ZC3H12B: variants seen among roughly 807,000 people sequenced by gnomAD.
ZC3H12B encodes probable ribonuclease ZC3H12B.
In ZC3H12B, 7 loss-of-function variants were observed where a neutral mutation model predicts 43.9. The observed-to-expected ratio is 0.16, with a 90% confidence interval of 0.09 to 0.30. The LOEUF is 0.30. ZC3H12B is among the 10% of genes least tolerant of loss of function. The pLI is 1.00. For synonymous variants in ZC3H12B, 222 were observed against 241.7 expected (o/e 0.92, Z 0.76); for missense variants, 475 against 670.2 (o/e 0.71, Z 3.22).
chrX:65,259,773 C>T, the ZC3H12B span, among the ~76,000 whole-genome samples: 1 of 111,810 alleles, frequency 8.9e-6, no homozygotes, highest in African/African-American at 3.2e-5. Flanking sequence ...CTTGCACACA[C>T]GTGTTTATAG....
chrX:65,500,039 A>C, intron 4 of ZC3H12B, 50 bp downstream of exon 9: 1 of 964,182 alleles, frequency 1.0e-6, no homozygotes, highest in Non-Finnish European at 1.5e-6. Flanking sequence ...AAACATAAGG[A>C]TTCTGTGAAC....
At chrX:65,341,406 C>T in the ZC3H12B span, among the ~76,000 whole-genome samples, 2 of 111,238 alleles carry the variant, frequency 1.8e-5, no homozygotes, top group Non-Finnish European at 3.8e-5. Context: ...GACATATAAC[C>T]ATCAGATTTT....
the ZC3H12B span, among the ~76,000 whole-genome samples, chrX:65,047,675 GTA>G: frequency 9.1e-6 from 1 of 110,428 alleles, no homozygotes; most frequent in African/African-American, 3.3e-5. Flanking sequence ...TCTGATATTA[GTA>G]TATGTACTGG....
At chrX:65,190,261 G>A in the ZC3H12B span, among the ~76,000 whole-genome samples, 1 of 110,404 alleles carries the variant, frequency 9.1e-6, no homozygotes, top group Non-Finnish European at 1.9e-5. Context: ...TTTTGGCTTA[G>A]GATTGACTTG....
At chrX:65,481,250 C>T (rs1404279837) in intron 3 of ZC3H12B, among the ~76,000 whole-genome samples, 1 of 111,712 alleles carries the variant, frequency 9.0e-6, no homozygotes, top group Non-Finnish European at 1.9e-5. Context: ...AATTACTTAC[C>T]TCTTACACCT....
chrX:65,157,220 A>G, the ZC3H12B span, among the ~76,000 whole-genome samples: 1 of 111,608 alleles, frequency 9.0e-6, no homozygotes, highest in Non-Finnish European at 1.9e-5. Flanking sequence ...TGCTCAAGGT[A>G]TCTGCCCGCC....
intron 3 of ZC3H12B, among the ~76,000 whole-genome samples, chrX:65,429,505 T>C (rs771102929): frequency 9.0e-6 from 1 of 111,695 alleles, no homozygotes; most frequent in African/African-American, 3.3e-5. Flanking sequence ...TAGATTGGGG[T>C]CCCACTTAAA....
chrX:65,192,413 G>C, the ZC3H12B span, among the ~76,000 whole-genome samples: 1 of 111,277 alleles, frequency 9.0e-6, no homozygotes, highest in Non-Finnish European at 1.9e-5. Context: ...TGTTAAGTGG[G>C]AATCTTTGTC....
At chrX:65,495,310 A>T (rs1181428534) in intron 1 of ZC3H12B, among the ~76,000 whole-genome samples, 1 of 112,113 alleles carries the variant, frequency 8.9e-6, no homozygotes, top group Admixed American at 9.5e-5. Flanking sequence ...AAATTTTTGC[A>T]ATTTGCCTCA....
the ZC3H12B span, among the ~76,000 whole-genome samples, chrX:65,070,826 T>G: frequency 1.2e-4 from 13 of 105,232 alleles, no homozygotes; most frequent in African/African-American, 4.5e-4. Flanking sequence ...GTTTTTTTTT[T>G]TTTTTTTTTT....
At chrX:65,319,212 A>T in the ZC3H12B span, among the ~76,000 whole-genome samples, 1 of 111,545 alleles carries the variant, frequency 9.0e-6, no homozygotes, top group Non-Finnish European at 1.9e-5. Context: ...AGGAAGATCC[A>T]AATAAACACA....
chrX:65,304,472 C>T, the ZC3H12B span, among the ~76,000 whole-genome samples: 1 of 110,182 alleles, frequency 9.1e-6, no homozygotes, highest in South Asian at 3.8e-4. Flanking sequence ...AAAAAATAGC[C>T]GGGCGTGGTG....
rs1159840122 is a variant in ZC3H12B, at chrX:65,453,359, CATATATATATATATATATATATAT to C, written n.408-35265_408-35242del. 8.8e-4 allele frequency among the ~76,000 whole-genome samples: 24 copies of C among 27,175 alleles called. 2 individuals carry two copies. Among genetic ancestry groups the C allele is most frequent in the Admixed American group, 2.5e-3 (4 of 1,595 alleles). 23.6% of individuals were successfully genotyped at this position (27,175 alleles called of 115,157 possible). A position where few individuals can be genotyped will look rare whatever the true frequency, so the allele number is the denominator to read the frequency against. ...CAATAATATGGAACCAGCTCAAATG[CATATATATATATATATATATATAT>C]ATATATATATATATATATATAAAAT... On this transcript the variant is annotated intron_variant and non_coding_transcript_variant, in intron 3 of 5. Transcript: ENST00000617377.
chrX:65,433,579 A>C (rs1391963701), intron 3 of ZC3H12B, among the ~76,000 whole-genome samples: 1 of 111,526 alleles, frequency 9.0e-6, no homozygotes, highest in African/African-American at 3.3e-5. Flanking sequence ...AACTCGATTG[A>C]TTTCCTGACC....
At chrX:65,063,179 C>T in the ZC3H12B span, among the ~76,000 whole-genome samples, 1 of 111,470 alleles carries the variant, frequency 9.0e-6, no homozygotes, top group Non-Finnish European at 1.9e-5. Flanking sequence ...TTGCCCTGGT[C>T]AGAACTTCCA....
chrX:65,162,233 C>T, the ZC3H12B span, among the ~76,000 whole-genome samples: 5 of 110,942 alleles, frequency 4.5e-5, no homozygotes, highest in Non-Finnish European at 9.4e-5. Flanking sequence ...GTGAATCTGA[C>T]AATTATGTGT....
At chrX:65,163,709 C>T in the ZC3H12B span, among the ~76,000 whole-genome samples, 3 of 111,928 alleles carry the variant, frequency 2.7e-5, no homozygotes, top group East Asian at 5.7e-4. Context: ...AACTCCCCAA[C>T]CCCTTGTGCT....
At chrX:65,092,237 T>C in the ZC3H12B span, among the ~76,000 whole-genome samples, 1 of 111,964 alleles carries the variant, frequency 8.9e-6, no homozygotes, top group African/African-American at 3.2e-5. Context: ...ATTAAATATC[T>C]TTTCTTTATA....
the ZC3H12B span, among the ~76,000 whole-genome samples, chrX:65,212,045 A>G: frequency 1.6e-5 from 1 of 63,935 alleles, no homozygotes; most frequent in Non-Finnish European, 2.6e-5. Context: ...ATAATGTATA[A>G]TATATAATAT....
Sources: gnomAD v4.1 joint callset for allele counts (sites outside exome capture counted in the v4.1 genomes callset) on GRCh38, gnomAD v4.1.1 for gene constraint, MANE v1.5 for transcripts, NCBI Gene and HGNC (gene_info 2026-07-23, HGNC 2026-07-21) for gene names.